CSMD1: variants seen among roughly 807,000 people sequenced by gnomAD.
CSMD1 encodes CUB and sushi domain-containing protein 1.
A neutral mutation model predicts 417.5 loss-of-function variants in CSMD1; 213 were observed. That is an observed-to-expected ratio of 0.51 (90% CI 0.46 to 0.57). CSMD1 has a LOEUF of 0.57. Ranked by LOEUF, CSMD1 falls within the 20% of genes least tolerant of loss-of-function variation. The probability of loss-of-function intolerance (pLI) is 0.00; values close to 1 mark genes in which losing one functional copy is unlikely to be tolerated. For missense variants in CSMD1, 6,923 were observed against 4,529.7 expected, an observed-to-expected ratio of 1.53 and a Z score of -15.17; for synonymous variants, 2,862 against 1,736.8, an observed-to-expected ratio of 1.65 and a Z score of -16.11.
At chr8:4,624,057 T>C (rs1405295054) in intron 2 of CSMD1, among the ~76,000 whole-genome samples, 1 of 152,162 alleles carries the variant, frequency 6.6e-6, no homozygotes, top group Non-Finnish European at 1.5e-5. Flanking sequence ...TCAAAATGAC[T>C]ATCTCTAGCT....
At chr8:3,573,493 T>G (rs1800025538) in intron 10 of CSMD1, among the ~76,000 whole-genome samples, 1 of 152,234 alleles carries the variant, frequency 6.6e-6, no homozygotes, top group Admixed American at 6.5e-5. Flanking sequence ...AATTCCTCAG[T>G]GTTTCAGAAA....
chr8:4,116,049 A>T (rs1393897410), intron 3 of CSMD1, among the ~76,000 whole-genome samples: 2 of 151,534 alleles, frequency 1.3e-5, no homozygotes, highest in East Asian at 3.9e-4. Context: ...CTCCCAGGCT[A>T]GATTGTAGTG....
intron 2 of CSMD1, among the ~76,000 whole-genome samples, chr8:4,625,961 T>G (rs1054533850): frequency 2.0e-5 from 3 of 152,146 alleles, no homozygotes; most frequent in Non-Finnish European, 4.4e-5. Context: ...TGACCTCTAG[T>G]GATCTGCCCG....
At chr8:4,479,250 T>G (rs760941969) in intron 2 of CSMD1, among the ~76,000 whole-genome samples, 1 of 152,176 alleles carries the variant, frequency 6.6e-6, no homozygotes, top group African/African-American at 2.4e-5. Flanking sequence ...TGCCAGCATA[T>G]TATCTCAGGA....
intron 1 of CSMD1, among the ~76,000 whole-genome samples, chr8:4,951,414 T>C (rs796599455): frequency 7.0e-6 from 1 of 143,016 alleles, no homozygotes; most frequent in Non-Finnish European, 1.5e-5. Flanking sequence ...TACTACCTTC[T>C]ATTAAAAAAA....
intron 6 of CSMD1, among the ~76,000 whole-genome samples, chr8:3,732,683 GAC>G (rs1796329753): frequency 6.6e-6 from 1 of 151,782 alleles, no homozygotes; most frequent in African/African-American, 2.4e-5. Context: ...TTTTTTTTAA[GAC>G]AGAAAAAAAG....
At chr8:3,809,242 A>T (rs978739433) in intron 5 of CSMD1, among the ~76,000 whole-genome samples, 5 of 152,106 alleles carry the variant, frequency 3.3e-5, no homozygotes, top group African/African-American at 1.2e-4. Context: ...ATCTAAAAAG[A>T]CTTCTGACCA....
In CSMD1 at chr8:4,623,313, C is replaced by T. The variant is rs143807425; in HGVS notation, c.302+14029G>A. 4.8e-4 allele frequency among the ~76,000 whole-genome samples: 73 copies of T among 152,158 alleles called. 1 individual carries two copies. In the East Asian group the frequency reaches 9.6e-3, roughly 20 times the overall value. On this transcript the variant is annotated intron_variant, in intron 2 of 69. Coordinates refer to ENST00000635120, the MANE Select transcript of CSMD1 (RefSeq NM_033225.6). ...TAACACTCTACACTCATTACAATGA[C>T]GAAAACTAAAAAGGCTGAGTACACT...
intron 4 of CSMD1, among the ~76,000 whole-genome samples, chr8:4,018,421 G>GTT (rs1563323966): frequency 6.6e-6 from 1 of 152,106 alleles, no homozygotes; most frequent in Non-Finnish European, 1.5e-5. Context: ...TTCTCTCCCA[G>GTT]TTTGCAATCT....
intron 1 of CSMD1, among the ~76,000 whole-genome samples, chr8:4,959,035 T>A (rs763394706): frequency 5.3e-5 from 8 of 152,202 alleles, no homozygotes; most frequent in Admixed American, 3.9e-4. Flanking sequence ...TATCAAGCCA[T>A]GCTATATAGT....
intron 3 of CSMD1, among the ~76,000 whole-genome samples, chr8:4,207,538 G>A (rs553992889): frequency 2.6e-5 from 4 of 152,120 alleles, no homozygotes; most frequent in African/African-American, 9.6e-5. Context: ...AGTTTCAAAT[G>A]TCCATCAATA....
chr8:4,908,417 C>G (rs1014861992), intron 1 of CSMD1, among the ~76,000 whole-genome samples: 4 of 152,162 alleles, frequency 2.6e-5, no homozygotes, highest in African/African-American at 9.7e-5. Flanking sequence ...TTGGAAAGCT[C>G]CCAGTATATT....
chr8:3,654,987 T>C (rs1483780034), intron 7 of CSMD1, among the ~76,000 whole-genome samples: 1 of 152,150 alleles, frequency 6.6e-6, no homozygotes, highest in East Asian at 1.9e-4. Flanking sequence ...ATGCCAGGTG[T>C]GAAGAAAGGG....
intron 54 of CSMD1, among the ~76,000 whole-genome samples, chr8:2,994,935 A>C (rs913390091): frequency 6.6e-6 from 1 of 152,196 alleles, no homozygotes; most frequent in African/African-American, 2.4e-5. Context: ...TGGATCACAG[A>C]CTTTAAAATA....
intron 26 of CSMD1, among the ~76,000 whole-genome samples, chr8:3,254,454 A>G (rs575536574): frequency 6.6e-6 from 1 of 152,242 alleles, no homozygotes; most frequent in East Asian, 1.9e-4. Flanking sequence ...CTCCTGGTTT[A>G]TATCCTGCAG....
At chr8:4,561,464 C>G (rs1380180500) in intron 2 of CSMD1, among the ~76,000 whole-genome samples, 1 of 152,184 alleles carries the variant, frequency 6.6e-6, no homozygotes, top group Non-Finnish European at 1.5e-5. Context: ...AGGTGAAGCA[C>G]TTGAGTCCGG....
intron 2 of CSMD1, among the ~76,000 whole-genome samples, chr8:4,506,606 A>G (rs903413319): frequency 3.3e-5 from 5 of 152,138 alleles, no homozygotes; most frequent in Non-Finnish European, 7.4e-5. Flanking sequence ...AACACTACCC[A>G]AGACTTTCAC....
At chr8:4,403,909 C>T (rs552253319) in intron 3 of CSMD1, among the ~76,000 whole-genome samples, 4 of 152,178 alleles carry the variant, frequency 2.6e-5, no homozygotes, top group African/African-American at 4.8e-5. Flanking sequence ...TACCCACACC[C>T]GCATTAACTC....
intron 26 of CSMD1, among the ~76,000 whole-genome samples, chr8:3,236,441 G>A (rs1799162084): frequency 6.6e-6 from 1 of 152,148 alleles, no homozygotes; most frequent in African/African-American, 2.4e-5. Context: ...GCTTGAGGAA[G>A]GAGAAAGAGA....
Sources: gnomAD v4.1 joint callset for allele counts (sites outside exome capture counted in the v4.1 genomes callset) on GRCh38, gnomAD v4.1.1 for gene constraint, MANE v1.5 for transcripts, NCBI Gene and HGNC (gene_info 2026-07-23, HGNC 2026-07-21) for gene names.